The following PRPSAP2 variants were observed in gnomAD, a reference collection of about 807,000 sequenced individuals.
PRPSAP2 encodes phosphoribosyl pyrophosphate synthase-associated protein 2.
Under a neutral mutation model 40.6 loss-of-function variants are expected in PRPSAP2, and 24 were observed. The observed-to-expected ratio is 0.59, with a 90% confidence interval of 0.43 to 0.83. The LOEUF is 0.83. Ranked by LOEUF, PRPSAP2 falls within the 40% of genes least tolerant of loss-of-function variation. The pLI is 0.00. For missense variants in PRPSAP2, 292 were observed against 465.6 expected, an observed-to-expected ratio of 0.63 and a Z score of 3.43; for synonymous variants, 149 against 164.7, an observed-to-expected ratio of 0.90 and a Z score of 0.73.
Position 18,930,829 on chromosome 17 carries a change from TAAG to T in PRPSAP2, c.*136_*138del, listed in dbSNP as rs893299919. On this transcript the variant is annotated 3_prime_UTR_variant, in exon 12 of 12. Coordinates refer to ENST00000268835, the MANE Select transcript of PRPSAP2 (RefSeq NM_002767.4). ...TGTAACCTCACTTCTTATTGATTCC[TAAG>T]AAGATAGACCAACTTTTTATGTCGG... 48 of 839,116 alleles carry T rather than the reference TAAG, an allele frequency of 5.7e-5. No homozygotes were observed. The African/African-American group carries it at 6.7e-4, about 12-fold the overall frequency. The allele number at this position is 839,116 out of a possible 1,614,324, so 52.0% of individuals were successfully genotyped here. A position where few individuals can be genotyped will look rare whatever the true frequency, so the allele number is the denominator to read the frequency against.
intron 9 of PRPSAP2, among the ~76,000 whole-genome samples, chr17:18,914,104 T>C (rs891067552): frequency 6.6e-6 from 1 of 150,802 alleles, no homozygotes; most frequent in East Asian, 2.0e-4. Context: ...AACCAGGGAG[T>C]TGGAGGTTGC....
At chr17:18,893,950 C>G (rs1179847256) in intron 8 of PRPSAP2, among the ~76,000 whole-genome samples, 1 of 151,904 alleles carries the variant, frequency 6.6e-6, no homozygotes, top group Non-Finnish European at 1.5e-5. Context: ...CTCTGCCTCC[C>G]AGGCTCAAGC....
At chr17:18,863,413 C>T (rs1414366176) in intron 1 of PRPSAP2, among the ~76,000 whole-genome samples, 2 of 152,060 alleles carry the variant, frequency 1.3e-5, no homozygotes, top group Non-Finnish European at 2.9e-5. Flanking sequence ...CTTAAACACA[C>T]ATGTTTATTG....
At chr17:18,892,688 AGTGTGT>A (rs3043879) in intron 8 of PRPSAP2, among the ~76,000 whole-genome samples, 108 of 75,402 alleles carry the variant, frequency 1.4e-3, no homozygotes, top group South Asian at 8.1e-3. Flanking sequence ...CAGCCTGTTG[AGTGTGT>A]GTGTGTGTGT....
At chr17:18,892,154 C>T (rs2039586121) in intron 8 of PRPSAP2, among the ~76,000 whole-genome samples, 1 of 152,180 alleles carries the variant, frequency 6.6e-6, no homozygotes, top group African/African-American at 2.4e-5. Context: ...CGCACTTGGC[C>T]AGTACCTCAG....
At chr17:18,906,418 G>A (rs1237143580) in intron 8 of PRPSAP2, among the ~76,000 whole-genome samples, 1 of 152,144 alleles carries the variant, frequency 6.6e-6, no homozygotes, top group Non-Finnish European at 1.5e-5. Context: ...GTTTCACCAT[G>A]TTGGCCAGGA....
intron 10 of PRPSAP2, among the ~76,000 whole-genome samples, chr17:18,925,286 A>G (rs2041912414): frequency 1.3e-5 from 2 of 152,248 alleles, no homozygotes; most frequent in African/African-American, 4.8e-5. Flanking sequence ...GGCATAGATC[A>G]TCACCAGGTA....
In PRPSAP2 at chr17:18,902,869, CAAAAAAAAAA is replaced by C. The variant is rs58345106; in HGVS notation, c.585-8219_585-8210del. ...GGGTGACAAGAGCAAAACTCCATCT[CAAAAAAAAAA>C]AAAAAAAAAAAAAAGAAATTGACTT... On this transcript the variant is annotated intron_variant, in intron 8 of 11. Coordinates refer to ENST00000268835, the MANE Select transcript of PRPSAP2 (RefSeq NM_002767.4). 4.9e-4 allele frequency among the ~76,000 whole-genome samples: 36 copies of C among 73,314 alleles called. 1 individual carries two copies. Among genetic ancestry groups the C allele is most frequent in the African/African-American group, 1.8e-3 (33 of 18,466 alleles). The allele number at this position is 73,314 out of a possible 152,430, so 48.1% of individuals were successfully genotyped here.
upstream of PRPSAP2, among the ~76,000 whole-genome samples, chr17:18,857,405 A>AGTTTT (rs548463496): frequency 1.2e-3 from 189 of 151,876 alleles, no homozygotes; most frequent in African/African-American, 3.9e-3. Flanking sequence ...CTTTTAGCAC[A>AGTTTT]GTTTTGTTTT....
intron 3 of PRPSAP2, among the ~76,000 whole-genome samples, chr17:18,866,425 G>T (rs1270111829): frequency 6.6e-6 from 1 of 152,084 alleles, no homozygotes; most frequent in Non-Finnish European, 1.5e-5. Context: ...TTAGTTGGGC[G>T]TGGTGGCGGG....
chr17:18,896,796 GC>G (rs1317999768), intron 8 of PRPSAP2, among the ~76,000 whole-genome samples: 1 of 152,030 alleles, frequency 6.6e-6, no homozygotes, highest in Non-Finnish European at 1.5e-5. Context: ...CTGAGAATGG[GC>G]TTCTTGAGAA....
At chr17:18,908,879 A>T in intron 8 of PRPSAP2, 1 of 543,290 alleles carries the variant, frequency 1.8e-6, no homozygotes, top group South Asian at 2.1e-5. Flanking sequence ...ATCTTATTTT[A>T]TTTCCTTTTC....
At chr17:18,883,798 A>C (rs1470859485) in intron 7 of PRPSAP2, among the ~76,000 whole-genome samples, 1 of 152,186 alleles carries the variant, frequency 6.6e-6, no homozygotes, top group South Asian at 2.1e-4. Flanking sequence ...TACTGTATTT[A>C]AAAGATGGCA....
chr17:18,879,642 C>T (rs557186377), intron 6 of PRPSAP2, among the ~76,000 whole-genome samples: 3 of 151,654 alleles, frequency 2.0e-5, no homozygotes, highest in South Asian at 2.1e-4. Context: ...TTAGTAGAGA[C>T]GAGGTTTCAC....
intron 8 of PRPSAP2, among the ~76,000 whole-genome samples, chr17:18,910,383 C>T (rs1204561168): frequency 1.3e-5 from 2 of 152,002 alleles, no homozygotes; most frequent in Non-Finnish European, 2.9e-5. Flanking sequence ...GAAATCCTGC[C>T]ACCACACTTC....
intron 7 of PRPSAP2, 145 bp from the exon 8 acceptor site, chr17:18,889,677 T>G (rs1597621208): frequency 5.2e-6 from 3 of 574,158 alleles, no homozygotes. Context: ...CATAGGCAGG[T>G]TCCTTTCTTC....
At chr17:18,884,762 G>A (rs1301301377) in intron 7 of PRPSAP2, among the ~76,000 whole-genome samples, 25 of 152,224 alleles carry the variant, frequency 1.6e-4, no homozygotes, top group Non-Finnish European at 2.9e-5. Flanking sequence ...CATTGAACGT[G>A]GTTCAGTTAG....
At chr17:18,901,545 A>G (rs1162935850) in intron 8 of PRPSAP2, among the ~76,000 whole-genome samples, 3 of 151,568 alleles carry the variant, frequency 2.0e-5, no homozygotes, top group Non-Finnish European at 4.4e-5. Flanking sequence ...ATGCCTGGCT[A>G]ATTTTTGTAT....
intron 8 of PRPSAP2, among the ~76,000 whole-genome samples, chr17:18,894,870 A>G (rs1309521669): frequency 6.6e-6 from 1 of 152,106 alleles, no homozygotes; most frequent in Non-Finnish European, 1.5e-5. Flanking sequence ...GCCTCTCCAT[A>G]TAAACTTCAG....
Sources: allele counts gnomAD v4.1 joint callset (sites outside exome capture counted in the v4.1 genomes callset), GRCh38; gene constraint gnomAD v4.1.1; transcripts MANE v1.5; gene names NCBI Gene and HGNC (gene_info 2026-07-23, HGNC 2026-07-21).